Variants in DMD observed in about 807,000 individuals in gnomAD.
DMD encodes the protein dystrophin.
In DMD, 63 loss-of-function variants were observed where a neutral mutation model predicts 330.1. The ratio of observed to expected loss-of-function variants is 0.19; its 90% CI spans 0.16 to 0.24. The LOEUF (loss-of-function observed/expected upper bound fraction) is 0.24. DMD is among the 10% of genes least tolerant of loss of function. The pLI is 1.00. For missense variants in DMD, 3,344 were observed against 2,684.1 expected, an observed-to-expected ratio of 1.25 and a Z score of -5.43; for synonymous variants, 1,223 against 959.8, an observed-to-expected ratio of 1.27 and a Z score of -5.07.
At chrX:31,573,284 C>T (rs1280435173) in intron 55 of DMD, among the ~76,000 whole-genome samples, 1 of 111,776 alleles carries the variant, frequency 8.9e-6, no homozygotes, top group African/African-American at 3.3e-5. Flanking sequence ...TTAAGTCACA[C>T]AATTCTAATT....
chrX:33,232,781 A>G (rs1276237291), intron 1 of DMD, among the ~76,000 whole-genome samples: 1 of 111,219 alleles, frequency 9.0e-6, no homozygotes, highest in Non-Finnish European at 1.9e-5. Flanking sequence ...AGTCCCAGCT[A>G]CTCAAGAGAC....
chrX:31,981,864 A>G (rs2095478166), intron 44 of DMD, among the ~76,000 whole-genome samples: 1 of 112,172 alleles, frequency 8.9e-6, no homozygotes, highest in Non-Finnish European at 1.9e-5. Flanking sequence ...AACTTGCGCA[A>G]TACAGTCCTA....
chrX:32,464,173 C>G (rs1331651709), intron 24 of DMD, among the ~76,000 whole-genome samples: 1 of 111,616 alleles, frequency 9.0e-6, no homozygotes, highest in Admixed American at 9.6e-5. Flanking sequence ...TAAGAAATAA[C>G]AAGTAGCTCA....
At chrX:33,106,546 T>C (rs2095289436) in intron 1 of DMD, among the ~76,000 whole-genome samples, 1 of 112,361 alleles carries the variant, frequency 8.9e-6, no homozygotes, top group African/African-American at 3.2e-5. Context: ...TAAAATATTT[T>C]TCACTAATTT....
At chrX:32,070,740 T>G (rs185378750) in intron 44 of DMD, among the ~76,000 whole-genome samples, 3 of 111,253 alleles carry the variant, frequency 2.7e-5, no homozygotes, top group Non-Finnish European at 5.7e-5. Flanking sequence ...AAACAGCATA[T>G]GTTCTCACTG....
intron 56 of DMD, among the ~76,000 whole-genome samples, chrX:31,500,149 T>C (rs867527934): frequency 9.0e-6 from 1 of 111,555 alleles, no homozygotes; most frequent in Non-Finnish European, 1.9e-5. Flanking sequence ...ACTGAAGAGG[T>C]GAAAGGCAGC....
chrX:31,681,395 G>T (rs943557025), intron 52 of DMD, among the ~76,000 whole-genome samples: 1 of 112,413 alleles, frequency 8.9e-6, no homozygotes, highest in Non-Finnish European at 1.9e-5. Context: ...GGGATGAGGG[G>T]AGGGAAAAGT....
intron 7 of DMD, 114 bp from the exon 8 acceptor site, chrX:32,699,407 G>A (rs971104447): frequency 1.7e-6 from 1 of 604,087 alleles, no homozygotes; most frequent in East Asian, 3.5e-5. Flanking sequence ...ACAGTGAATT[G>A]TCCATGAATG....
At chrX:33,162,725 CA>C (rs1489566998) in intron 1 of DMD, among the ~76,000 whole-genome samples, 1 of 110,254 alleles carries the variant, frequency 9.1e-6, no homozygotes, top group African/African-American at 3.3e-5. Context: ...GTTGAATTAT[CA>C]AAGCCACTTT....
intron 42 of DMD, among the ~76,000 whole-genome samples, chrX:32,298,581 G>C (rs1298137038): frequency 9.1e-6 from 1 of 109,575 alleles, no homozygotes; most frequent in Non-Finnish European, 1.9e-5. Flanking sequence ...GAGTCACTAG[G>C]GGTAATTTTT....
intron 44 of DMD, among the ~76,000 whole-genome samples, chrX:32,184,382 T>C (rs1422681246): frequency 1.8e-5 from 2 of 111,061 alleles, no homozygotes; most frequent in African/African-American, 6.5e-5. Flanking sequence ...AAATTAATTC[T>C]ACAATTGGAA....
chrX:31,664,859 A>G (rs1016044520), intron 53 of DMD, among the ~76,000 whole-genome samples: 1 of 109,711 alleles, frequency 9.1e-6, no homozygotes, highest in Non-Finnish European at 1.9e-5. Context: ...ATAGAACCTC[A>G]TTTCTCCTCT....
intron 55 of DMD, among the ~76,000 whole-genome samples, chrX:31,522,729 T>C (rs1460837299): frequency 1.8e-5 from 2 of 110,504 alleles, no homozygotes; most frequent in African/African-American, 6.6e-5. Flanking sequence ...TATTAAAGTG[T>C]TGAATTTCCA....
At chrX:31,151,135 G>A (rs2037364245) in intron 74 of DMD, among the ~76,000 whole-genome samples, 1 of 112,117 alleles carries the variant, frequency 8.9e-6, no homozygotes. Context: ...GTGCACCGAT[G>A]TATGTAACTG....
At chrX:32,307,470 T>C (rs1203590889) in intron 42 of DMD, among the ~76,000 whole-genome samples, 2 of 111,696 alleles carry the variant, frequency 1.8e-5, no homozygotes, top group African/African-American at 6.5e-5. Context: ...AGGCAAACAG[T>C]CAGAGACACT....
At chrX:33,004,854 T>G (rs1469655276) in intron 2 of DMD, among the ~76,000 whole-genome samples, 1 of 111,362 alleles carries the variant, frequency 9.0e-6, no homozygotes, top group Non-Finnish European at 1.9e-5. Context: ...TGTTTCTTGT[T>G]TTTGCTGTTG....
intron 52 of DMD, among the ~76,000 whole-genome samples, chrX:31,698,012 T>A (rs1415776117): frequency 8.9e-6 from 1 of 111,943 alleles, no homozygotes; most frequent in African/African-American, 3.2e-5. Flanking sequence ...AATAAAAGCA[T>A]AAAGGATCCT....
chrX:33,339,347 C>T, exon 1 of DMD: 1 of 953,878 alleles, frequency 1.0e-6, no homozygotes, highest in South Asian at 1.9e-5. Flanking sequence ...CAGCATCTTT[C>T]TCCTGATTCT....
At position 31,831,570 on chromosome X, in the gene DMD, C is replaced by CT. The variant is rs199977365; in HGVS notation, c.7200+5147dup. Among the ~76,000 whole-genome samples the CT allele has an allele frequency of 4.8e-4, 53 of 111,379 alleles. 1 individual carries two copies. Among genetic ancestry groups the CT allele is most frequent in the African/African-American group, 1.5e-3 (47 of 30,668 alleles). On this transcript the variant is annotated intron_variant, in intron 49 of 78. Transcript: ENST00000357033. ...TTATTCAACCTCTTATACTCCAAGA[C>CT]TTTTTTTTCAGTTGTAAAGCAAACT...
Sources: allele counts gnomAD v4.1 joint callset (sites outside exome capture counted in the v4.1 genomes callset), GRCh38; gene constraint gnomAD v4.1.1; transcripts MANE v1.5; gene names NCBI Gene and HGNC (gene_info 2026-07-23, HGNC 2026-07-21).